DPYSL3: variants seen among roughly 807,000 people sequenced by gnomAD.
DPYSL3 encodes dihydropyrimidinase-related protein 3.
A neutral mutation model predicts 66.1 loss-of-function variants in DPYSL3; 16 were observed. That is an observed-to-expected ratio of 0.24 (90% CI 0.16 to 0.37). The LOEUF is 0.37. DPYSL3 is among the 10% of genes least tolerant of loss of function. The pLI, the probability that DPYSL3 is intolerant of heterozygous loss-of-function variation, is 1.00. For missense variants in DPYSL3, 738 were observed against 916.2 expected, an observed-to-expected ratio of 0.81 and a Z score of 2.51; for synonymous variants, 338 against 345.1, an observed-to-expected ratio of 0.98 and a Z score of 0.23.
chr5:147,397,999 G>T (rs1229677788), intron 11 of DPYSL3, among the ~76,000 whole-genome samples, 154 bp from the exon 12 acceptor site: 3 of 152,156 alleles, frequency 2.0e-5, no homozygotes, highest in Non-Finnish European at 4.4e-5. Context: ...TGGGTAGAAG[G>T]CACCGGAGAC....
intron 1 of DPYSL3, among the ~76,000 whole-genome samples, chr5:147,479,021 G>A (rs1753200978): frequency 6.6e-6 from 1 of 151,952 alleles, no homozygotes; most frequent in South Asian, 2.1e-4. Flanking sequence ...ATAAATTTTT[G>A]TGGAATGTAT....
intron 1 of DPYSL3, among the ~76,000 whole-genome samples, chr5:147,455,620 T>A (rs1736363916): frequency 6.6e-6 from 1 of 152,178 alleles, no homozygotes; most frequent in Non-Finnish European, 1.5e-5. Flanking sequence ...AAAAGGAGAA[T>A]TAACTACATA....
chr5:147,468,322 T>C (rs1432851), intron 1 of DPYSL3, among the ~76,000 whole-genome samples: 1 of 152,212 alleles, frequency 6.6e-6, no homozygotes, highest in South Asian at 2.1e-4. Context: ...AGAGCTAGCT[T>C]TAAGAAACCA....
At chr5:147,428,930 G>A (rs556547011) in intron 1 of DPYSL3, among the ~76,000 whole-genome samples, 1 of 152,052 alleles carries the variant, frequency 6.6e-6, no homozygotes, top group Non-Finnish European at 1.5e-5. Flanking sequence ...TAACAAACCT[G>A]TGCATCCCGT....
At chr5:147,394,481 AGGTGCCC>A (rs1757911777) in intron 13 of DPYSL3, among the ~76,000 whole-genome samples, 2 of 152,140 alleles carry the variant, frequency 1.3e-5, no homozygotes, top group African/African-American at 4.8e-5. Context: ...GGTTTGAGAG[AGGTGCCC>A]TTATCTGTTT....
At chr5:147,431,111 A>G (rs1752307739) in intron 1 of DPYSL3, among the ~76,000 whole-genome samples, 1 of 152,208 alleles carries the variant, frequency 6.6e-6, no homozygotes, top group East Asian at 1.9e-4. Context: ...ATTTCCTAAA[A>G]CACTTTCACT....
At chr5:147,417,831 C>G (rs3805546) in intron 3 of DPYSL3, among the ~76,000 whole-genome samples, 1 of 152,104 alleles carries the variant, frequency 6.6e-6, no homozygotes, top group African/African-American at 2.4e-5. Context: ...CAAAATACAG[C>G]GCAGACCATA....
intron 1 of DPYSL3, among the ~76,000 whole-genome samples, chr5:147,451,229 T>C (rs1752722525): frequency 6.6e-6 from 1 of 152,218 alleles, no homozygotes; most frequent in African/African-American, 2.4e-5. Flanking sequence ...TTCATCCCCT[T>C]GGTTGTTAAA....
chr5:147,473,581 T>C (rs1387593177), intron 1 of DPYSL3, among the ~76,000 whole-genome samples: 1 of 152,146 alleles, frequency 6.6e-6, no homozygotes, highest in Non-Finnish European at 1.5e-5. Context: ...TTCTTCTTCT[T>C]AGTTTGGAAT....
chr5:147,402,332 C>G (rs1225024452), intron 8 of DPYSL3, among the ~76,000 whole-genome samples: 1 of 148,272 alleles, frequency 6.7e-6, no homozygotes, highest in South Asian at 2.1e-4. Context: ...GGATTAGAGA[C>G]TCTCATGACT....
Position 147,509,612 on chromosome 5 carries a change from C to T in DPYSL3, c.247G>A (p.Gly83Arg), listed in dbSNP as rs756950886. The T allele has an allele frequency of 6.5e-7, 1 of 1,535,586 alleles. No homozygotes were observed. Among genetic ancestry groups the T allele is most frequent in the South Asian group, 1.2e-5 (1 of 83,988 alleles). The change falls in exon 1 of 14, where the codon GGG becomes AGG. Residue 83 changes from glycine (G) to arginine (R), a missense_variant. Physicochemically the swap from Gly to Arg is moderately radical, Grantham distance 125. Transcript: ENST00000343218. This position sits in a 1 kb window ranked among gnomAD's most constrained non-coding sequence, Gnocchi z 5.3. ...RGSGSRPGIE[G>R]DTPRRGQGRE... ...CCTTGGCCCCTGCGCGGGGTGTCCC[C>T]CTCGATCCCGGGCCGACTCCCCGAT...
intron 8 of DPYSL3, among the ~76,000 whole-genome samples, chr5:147,404,183 C>G (rs552773535): frequency 4.7e-4 from 72 of 152,250 alleles, no homozygotes; most frequent in African/African-American, 1.7e-3. Context: ...TGGTTCTCGC[C>G]CAATGACTCA....
Position 147,395,624 on chromosome 5 carries a change from C to G in DPYSL3, c.1901G>C (p.Arg634Pro). The change falls in exon 13 of 14, where the codon CGG becomes CCG. Residue 634 changes from arginine to proline, a missense_variant. Transcript: ENST00000343218. ...TGGGTTCGGCCGAGTAGGAGAGCCC[C>G]GAGCAGAGCCTGCGGGGGTGCCACC... Reference protein sequence around the residue: ...PKGGTPAGSARGSPTRPNPPV... With the variant: ...PKGGTPAGSAPGSPTRPNPPV... The G allele has an allele frequency of 1.9e-6, 3 of 1,614,026 alleles. No individual in the cohort carries two copies. Among genetic ancestry groups the G allele is most frequent in the Non-Finnish European group, 1.7e-6 (2 of 1,180,020 alleles).
At position 147,509,903 on chromosome 5, in the gene DPYSL3, C is replaced by G; in HGVS notation, c.-45G>C. 6.8e-7 allele frequency: 1 copy of G among 1,469,276 alleles called. No homozygotes were observed. Among genetic ancestry groups the G allele is most frequent in the South Asian group, 1.4e-5 (1 of 73,576 alleles). 91.0% of individuals were successfully genotyped at this position (1,469,276 alleles called of 1,614,324 possible). A position where few individuals can be genotyped will look rare whatever the true frequency, so the allele number is the denominator to read the frequency against. On this transcript the variant is annotated 5_prime_UTR_variant, in exon 1 of 14. Transcript: ENST00000343218. This position sits in a 1 kb window ranked among gnomAD's most constrained non-coding sequence, Gnocchi z 5.3. ...CCCGCGGGTTTTTCTTCCCCAGAGG[C>G]GGAAAGGGCAGCCGCCGGCAGCGTG...
In DPYSL3 at chr5:147,434,352, C is replaced by T. The variant is rs192641107; in HGVS notation, c.382-9389G>A. The stretch of plus-strand genomic sequence containing the variant: ...TTGTTTGTTTTGCTTTGCATTGTTC[C>T]TTTTTAGGCCTCAAATACACGTGCC... On this transcript the variant is annotated intron_variant, in intron 1 of 13. Transcript: ENST00000343218. Among the ~76,000 whole-genome samples the T allele has an allele frequency of 1.6e-3, 236 of 152,182 alleles. 1 individual carries two copies. The highest frequency in any genetic ancestry group is 5.6e-3 in the African/African-American group (232 of 41,516).
At chr5:147,423,293 A>G (rs1192344150) in intron 2 of DPYSL3, among the ~76,000 whole-genome samples, 1 of 152,184 alleles carries the variant, frequency 6.6e-6, no homozygotes. Flanking sequence ...GGTAACTATG[A>G]ACAAATATTT....
chr5:147,481,632 G>C (rs1269226457), intron 1 of DPYSL3, among the ~76,000 whole-genome samples: 2 of 152,180 alleles, frequency 1.3e-5, no homozygotes, highest in Non-Finnish European at 2.9e-5. Context: ...TGAAGGTGGG[G>C]CCTCATGGGA....
At chr5:147,471,668 G>A (rs186398297) in intron 1 of DPYSL3, among the ~76,000 whole-genome samples, 48 of 152,242 alleles carry the variant, frequency 3.2e-4, no homozygotes, top group African/African-American at 1.1e-3. Flanking sequence ...GAGCCATTAT[G>A]ATGTTGGCAG....
At chr5:147,451,123 T>C (rs1456079860) in intron 1 of DPYSL3, among the ~76,000 whole-genome samples, 1 of 152,246 alleles carries the variant, frequency 6.6e-6, no homozygotes, top group African/African-American at 2.4e-5. Context: ...AATAGATTCC[T>C]TGTTCATGGA....
Sources: gnomAD v4.1 joint callset for allele counts (sites outside exome capture counted in the v4.1 genomes callset) on GRCh38, gnomAD v4.1.1 for gene constraint, Gnocchi (gnomAD v3.1) non-coding constraint, MANE v1.5 for transcripts, NCBI Gene and HGNC (gene_info 2026-07-23, HGNC 2026-07-21) for gene names.